Variants in CPQ observed in about 807,000 individuals in gnomAD.
The protein encoded by CPQ is Ser-Met dipeptidase.
A neutral mutation model predicts 45.7 loss-of-function variants in CPQ; 37 were observed. The observed-to-expected ratio is 0.81, with a 90% CI of 0.62 to 1.07. CPQ has a LOEUF of 1.07. Among genes scored for constraint, CPQ ranks in the 50% least tolerant of loss-of-function variants. The probability of loss-of-function intolerance (pLI) is 0.00; values close to 1 mark genes in which losing one functional copy is unlikely to be tolerated. For missense variants in CPQ, 537 were observed against 572.9 expected (o/e 0.94, Z 0.64); for synonymous variants, 186 against 205.8 (o/e 0.90, Z 0.82).
chr8:96,986,370 G>A (rs553659114), intron 5 of CPQ, among the ~76,000 whole-genome samples: 1 of 152,164 alleles, frequency 6.6e-6, no homozygotes, highest in Non-Finnish European at 1.5e-5. Flanking sequence ...TCCCAGCTTT[G>A]GTAAGTGCAA....
chr8:96,664,866 AATG>A (rs2130715299), intron 1 of CPQ, among the ~76,000 whole-genome samples: 2 of 152,312 alleles, frequency 1.3e-5, no homozygotes, highest in South Asian at 4.2e-4. Context: ...ACACATGCTG[AATG>A]ATGATGATAC....
chr8:96,736,346 G>A (rs1026524874), intron 1 of CPQ, among the ~76,000 whole-genome samples: 1 of 152,206 alleles, frequency 6.6e-6, no homozygotes, highest in African/African-American at 2.4e-5. Context: ...GTTCCTGGCT[G>A]AAGATGGCAT....
Position 96,649,746 on chromosome 8 carries a change from G to A in CPQ, c.-35+4344G>A, listed in dbSNP as rs1297800129. On this transcript the variant is annotated intron_variant, in intron 1 of 7. Transcript: ENST00000220763. The stretch of plus-strand genomic sequence containing the variant: ...AGACCTTGGCCAAACATTACAATAG[G>A]GCCTCAGTCTAAAAAGACACATCAA... Among the ~76,000 whole-genome samples the A allele has an allele frequency of 2.0e-5, 3 of 152,052 alleles. No individual in the cohort carries two copies. The East Asian group carries it at 5.8e-4, about 29-fold the overall frequency.
intron 5 of CPQ, among the ~76,000 whole-genome samples, chr8:96,989,466 C>CGGAGG (rs891351585): frequency 2.8e-5 from 1 of 36,338 alleles, no homozygotes; most frequent in Admixed American, 3.5e-4. Context: ...AGGAGCAGAG[C>CGGAGG]GGAGGGGAGG....
intron 4 of CPQ, among the ~76,000 whole-genome samples, chr8:96,895,428 A>G (rs1812431343): frequency 6.6e-6 from 1 of 152,148 alleles, no homozygotes. Flanking sequence ...TTGAAACAGA[A>G]TTTTTAATGT....
chr8:96,847,620 T>C (rs1007129339), intron 3 of CPQ, among the ~76,000 whole-genome samples: 4 of 152,198 alleles, frequency 2.6e-5, no homozygotes, highest in Non-Finnish European at 4.4e-5. Context: ...ATTAGGAGTG[T>C]GTAATCAATA....
chr8:96,682,045 C>G (rs1321301219), intron 1 of CPQ, among the ~76,000 whole-genome samples: 1 of 152,154 alleles, frequency 6.6e-6, no homozygotes, highest in African/African-American at 2.4e-5. Flanking sequence ...CTTGCCTTCA[C>G]TAAGATGAAA....
chr8:96,989,026 C>G (rs1454715681), intron 5 of CPQ, among the ~76,000 whole-genome samples: 1 of 152,178 alleles, frequency 6.6e-6, no homozygotes, highest in Non-Finnish European at 1.5e-5. Flanking sequence ...ACAAGATTAT[C>G]TGCAGTGTGA....
chr8:96,879,201 T>C (rs1200693730), intron 3 of CPQ, among the ~76,000 whole-genome samples: 2 of 152,236 alleles, frequency 1.3e-5, no homozygotes, highest in East Asian at 3.8e-4. Context: ...TTTTTTTCTC[T>C]TGTGGCAGTA....
chr8:97,108,562 T>A (rs1304721450), intron 7 of CPQ, among the ~76,000 whole-genome samples: 3 of 152,216 alleles, frequency 2.0e-5, no homozygotes, highest in Admixed American at 2.0e-4. Flanking sequence ...ATGTGCCCTT[T>A]GCCTACTGCA....
chr8:97,099,878 T>C (rs1414827466), intron 7 of CPQ, among the ~76,000 whole-genome samples: 1 of 152,220 alleles, frequency 6.6e-6, no homozygotes, highest in Non-Finnish European at 1.5e-5. Flanking sequence ...AACATAGATT[T>C]TTCTAGAGTT....
chr8:96,945,591 A>C (rs1813178756), intron 4 of CPQ, among the ~76,000 whole-genome samples: 1 of 152,170 alleles, frequency 6.6e-6, no homozygotes, highest in African/African-American at 2.4e-5. Flanking sequence ...AAGATGAAAG[A>C]GTGCCTAGGA....
intron 5 of CPQ, among the ~76,000 whole-genome samples, chr8:96,992,627 T>C (rs1445734032): frequency 2.0e-5 from 3 of 152,144 alleles, no homozygotes. Flanking sequence ...CAAGGGATGT[T>C]GTGATGAATC....
rs1336854509 is a variant in CPQ at position 96,879,963 on chromosome 8, C to G, written c.807C>G (p.Phe269Leu). 1 of 1,614,056 alleles carries G rather than the reference C, an allele frequency of 6.2e-7. No individual in the cohort carries two copies. The highest frequency in any genetic ancestry group is 8.5e-7 in the Non-Finnish European group (1 of 1,179,948). ...AGACCTACCCAGATACTGATTCCTT[C>G]AACACTGTAGCAGAGATCACTGGGA... ...GAKTYPDTDS[F>L]NTVAEITGSK... The change falls in exon 4 of 8, where the codon TTC becomes TTG. Residue 269 changes from phenylalanine to leucine, a missense_variant. Coordinates refer to ENST00000220763, the MANE Select transcript of CPQ (RefSeq NM_016134.4).
intron 4 of CPQ, among the ~76,000 whole-genome samples, chr8:96,962,070 G>A (rs186604399): frequency 5.9e-5 from 9 of 152,276 alleles, no homozygotes; most frequent in South Asian, 2.1e-4. Flanking sequence ...GATGTATGCC[G>A]TTGTCATTCT....
At chr8:96,895,963 CTCTT>C (rs1812436769) in intron 4 of CPQ, among the ~76,000 whole-genome samples, 1 of 152,122 alleles carries the variant, frequency 6.6e-6, no homozygotes, top group South Asian at 2.1e-4. Flanking sequence ...AAGTAGCTCT[CTCTT>C]CTCTTTTCCC....
At chr8:96,694,975 TTG>T (rs1563471348) in intron 1 of CPQ, among the ~76,000 whole-genome samples, 4 of 152,240 alleles carry the variant, frequency 2.6e-5, no homozygotes, top group South Asian at 2.1e-4. Context: ...AGAGCCCGCA[TTG>T]CCAAGTCAAT....
At chr8:96,761,004 G>A (rs574861216) in intron 1 of CPQ, 1 of 152,278 alleles carries the variant, frequency 6.6e-6, no homozygotes, top group Admixed American at 6.5e-5. Context: ...TAGGATGTGT[G>A]TTGATTAAAC....
chr8:96,743,366 T>C (rs1380731323), intron 1 of CPQ, among the ~76,000 whole-genome samples: 3 of 151,750 alleles, frequency 2.0e-5, no homozygotes, highest in Non-Finnish European at 4.4e-5. Context: ...TTATTCTAGT[T>C]ATACATTCTT....
Sources: gnomAD v4.1 joint callset for allele counts (sites outside exome capture counted in the v4.1 genomes callset) on GRCh38, gnomAD v4.1.1 for gene constraint, MANE v1.5 for transcripts, NCBI Gene and HGNC (gene_info 2026-07-23, HGNC 2026-07-21) for gene names.